Variants in ZBTB21 observed in about 807,000 individuals in gnomAD.
ZBTB21 encodes zinc finger and BTB domain containing 21.
In ZBTB21, 10 loss-of-function variants were observed where a neutral mutation model predicts 39.8. The observed-to-expected ratio is 0.25, with a 90% CI of 0.16 to 0.43. ZBTB21 has a LOEUF of 0.43. Among genes scored for constraint, ZBTB21 ranks in the 20% least tolerant of loss-of-function variants. ZBTB21 has a pLI of 1.00. For missense variants in ZBTB21, 1,221 were observed against 1,296.3 expected, an observed-to-expected ratio of 0.94 and a Z score of 0.89; for synonymous variants, 551 against 498.8, an observed-to-expected ratio of 1.10 and a Z score of -1.40.
In ZBTB21 at chr21:41,992,145, T is replaced by C. The variant is rs2065669338; in HGVS notation, c.1951A>G (p.Ser651Gly). 1.9e-6 allele frequency: 3 copies of C among 1,614,214 alleles called. No homozygotes were observed. The highest frequency in any genetic ancestry group is 2.5e-6 in the Non-Finnish European group (3 of 1,180,034). The change falls in exon 3 of 3, where the codon AGC (serine) becomes GGC (glycine). Residue 651 changes from serine (S) to glycine (G), a missense_variant. Ser to Gly is a moderately conservative substitution (Grantham distance 56). This residue lies in a region of ZBTB21 where 523 missense variants were observed against 542.5 expected (regional missense o/e 0.96). Coordinates refer to ENST00000310826, the MANE Select transcript of ZBTB21 (RefSeq NM_001098402.2). The surrounding 1 kb of genome is among the most constrained non-coding windows in gnomAD (Gnocchi z 4.1). ...RGKPGFQGQS[S>G]SQAQQVIKRN... ...TTGATGACTTGCTGTGCTTGGGAGC[T>C]ACTCTGTCCCTGAAAACCAGGCTTG...
At chr21:42,001,471 G>A (rs2065816968) in intron 2 of ZBTB21, among the ~76,000 whole-genome samples, 1 of 152,216 alleles carries the variant, frequency 6.6e-6, no homozygotes, top group Non-Finnish European at 1.5e-5. Flanking sequence ...AAGAGAACAG[G>A]TCAATTCATC....
chr21:41,993,078 G>T lies in ZBTB21; in HGVS notation c.1018C>A (p.Leu340Ile), dbSNP rs766256414. The T allele has an allele frequency of 6.2e-7, 1 of 1,614,212 alleles. No individual in the cohort carries two copies. The change falls in exon 3 of 3, where the codon CTC becomes ATC. Residue 340 changes from leucine to isoleucine, a missense_variant. Around this residue, in one of 4 missense-constraint regions of ZBTB21, gnomAD observed 500 missense variants for 465.6 expected, o/e 1.07. Coordinates refer to ENST00000310826, the MANE Select transcript of ZBTB21 (RefSeq NM_001098402.2). ...CTATCCATCGACAATGACCGTCTGA[G>T]GAGACTCTTAACAAGTGGGCCACTC... Reference protein sequence around the residue: ...DRSGPLVKSLLRRSLSMDSQV... With the variant: ...DRSGPLVKSLIRRSLSMDSQV...
intron 2 of ZBTB21, among the ~76,000 whole-genome samples, chr21:42,000,846 G>A (rs2065808664): frequency 6.6e-6 from 1 of 152,144 alleles, no homozygotes; most frequent in Non-Finnish European, 1.5e-5. Context: ...CCTCCATTTA[G>A]AGCCATCACA....
rs911577444 is a variant in ZBTB21, at chr21:41,990,817, T to G, written c.*78A>C. 7.6e-7 allele frequency: 1 copy of G among 1,322,326 alleles called. No homozygotes were observed. The highest frequency in any genetic ancestry group is 2.6e-5 in the East Asian group (1 of 38,390). The allele number at this position is 1,322,326 out of a possible 1,614,324, so 81.9% of individuals were successfully genotyped here. A position where few individuals can be genotyped will look rare whatever the true frequency, so the allele number is the denominator to read the frequency against. On this transcript the variant is annotated 3_prime_UTR_variant, in exon 3 of 3. Transcript: ENST00000310826. ...CTTTATTATTCTTGTTTAAAAAATA[T>G]TTTGTTTCTTATGACACATTTCACA...
chr21:41,991,506 G>C lies in ZBTB21; in HGVS notation c.2590C>G (p.Leu864Val). 6.2e-7 allele frequency: 1 copy of C among 1,614,200 alleles called. No individual in the cohort carries two copies. The highest frequency in any genetic ancestry group is 2.2e-5 in the East Asian group (1 of 44,880). Residue 864 changes from leucine to valine, a missense_variant, in exon 3 of 3, where the codon CTT (leucine) becomes GTT (valine). By Grantham distance (32) the Leu-to-Val change is conservative. This residue lies in a region of ZBTB21 where 523 missense variants were observed against 542.5 expected (regional missense o/e 0.96). Coordinates refer to ENST00000310826, the MANE Select transcript of ZBTB21 (RefSeq NM_001098402.2). The surrounding 1 kb of genome is among the most constrained non-coding windows in gnomAD (Gnocchi z 4.9). Reference protein sequence around the residue: ...VNFDSEDSSCLPEDLSLSKQL... With the variant: ...VNFDSEDSSCVPEDLSLSKQL... ...TTGGAAAGACTAAGGTCTTCGGGAA[G>C]ACAAGAGGAATCTTCCGAGTCGAAG...
rs1177546940 is a variant in ZBTB21, at chr21:41,991,681, G to A, written c.2415C>T (p.Pro805=). ...VEVHNQNNMA[P]TENFSLPVLD... ...AAACGGGCAAAGAAAAGTTTTCGGT[G>A]GGTGCCATGTTGTTCTGATTATGGA... is the stretch of plus-strand genomic sequence containing the variant. The change falls in exon 3 of 3, where the codon CCC becomes CCT. Residue 805 remains proline (P), a synonymous_variant. Coordinates refer to ENST00000310826, the MANE Select transcript of ZBTB21 (RefSeq NM_001098402.2). The surrounding 1 kb of genome is among the most constrained non-coding windows in gnomAD (Gnocchi z 4.9). 1.2e-6 allele frequency: 2 copies of A among 1,614,180 alleles called. No homozygotes were observed. Among genetic ancestry groups the A allele is most frequent in the South Asian group, 1.1e-5 (1 of 91,068 alleles).
At chr21:42,004,238 G>C (rs1436688094) in intron 1 of ZBTB21, among the ~76,000 whole-genome samples, 4 of 152,070 alleles carry the variant, frequency 2.6e-5, no homozygotes, top group South Asian at 2.1e-4. Context: ...GACCTCAGGC[G>C]ATCTGCCCAC....
Position 41,991,132 on chromosome 21 carries a change from T to C in ZBTB21, c.2964A>G (p.Pro988=). ...PTNSPSPPPL[P]PPPPLPKIQP... ...GGATCTTGGGCAGTGGTGGTGGCGG[T>C]GGCAGAGGTGGTGGAGAGGGAGAGT... The change falls in exon 3 of 3, where the codon CCA becomes CCG. Residue 988 remains proline (P), a synonymous_variant. Coordinates refer to ENST00000310826, the MANE Select transcript of ZBTB21 (RefSeq NM_001098402.2). The surrounding 1 kb of genome is among the most constrained non-coding windows in gnomAD (Gnocchi z 4.9). The C allele has an allele frequency of 2.5e-6, 4 of 1,613,832 alleles. No homozygotes were observed. Among genetic ancestry groups the C allele is most frequent in the Non-Finnish European group, 2.5e-6 (3 of 1,179,886 alleles).
At chr21:41,994,339 T>C (rs983879144) in intron 2 of ZBTB21, among the ~76,000 whole-genome samples, 2 of 152,130 alleles carry the variant, frequency 1.3e-5, no homozygotes, top group Middle Eastern at 6.3e-3. Flanking sequence ...GGAACTATAA[T>C]ATAGGCATTT....
At position 41,993,248 on chromosome 21, in the gene ZBTB21, C is replaced by T. The variant is rs374842935; in HGVS notation, c.848G>A (p.Cys283Tyr). ...KRPRPPVLSV[C>Y]SSSETPYLLK... The stretch of plus-strand genomic sequence containing the variant: ...TAGATAGGGAGTCTCTGATGAGCTA[C>T]AAACAGACAAAACAGGTGGCCGTGG... Residue 283 changes from cysteine to tyrosine, a missense_variant, in exon 3 of 3, where the codon TGT (cysteine) becomes TAT (tyrosine). Physicochemically the swap from Cys to Tyr is radical, Grantham distance 194 (BLOSUM62 -2). Transcript: ENST00000310826. 6 of 1,611,604 alleles carry T rather than the reference C, an allele frequency of 3.7e-6. No individual in the cohort carries two copies. The African/African-American group carries it at 8.0e-5, about 22-fold the overall frequency.
At chr21:41,994,619 AG>A (rs2065721601) in intron 2 of ZBTB21, among the ~76,000 whole-genome samples, 1 of 152,210 alleles carries the variant, frequency 6.6e-6, no homozygotes, top group African/African-American at 2.4e-5. Flanking sequence ...ATTTTGAGAC[AG>A]GGTATCTCTC....
At position 41,991,195 on chromosome 21, in the gene ZBTB21, C is replaced by T. The variant is rs372363785; in HGVS notation, c.2901G>A (p.Ser967=). The T allele has an allele frequency of 6.1e-5, 98 of 1,613,928 alleles. No homozygotes were observed. In the Middle Eastern group the frequency reaches 6.6e-4, roughly 11 times the overall value. The change falls in exon 3 of 3, where the codon TCG becomes TCA. Residue 967 remains serine, a synonymous_variant. Coordinates refer to ENST00000310826, the MANE Select transcript of ZBTB21 (RefSeq NM_001098402.2). The surrounding 1 kb of genome is among the most constrained non-coding windows in gnomAD (Gnocchi z 4.9). ...GGCACACCTCAGATTCCTTATGTGC[C>T]GATTCCTCTGAAGCCTGAGACATGT... ...QSHMSQASEE[S]AHKESEVCPV... is the part of the protein sequence containing the mutation.
chr21:42,002,214 G>GC (rs1555911980), intron 2 of ZBTB21: 1 of 151,946 alleles, frequency 6.6e-6, no homozygotes, highest in Non-Finnish European at 1.5e-5. Flanking sequence ...TAAGGCCCTT[G>GC]TTTTTTTTAC....
intron 2 of ZBTB21, among the ~76,000 whole-genome samples, chr21:41,998,470 T>C (rs467618): frequency 0.63 from 96,204 of 152,092 alleles, 31,908 homozygotes; most frequent in African/African-American, 0.78. Context: ...GGATTACAGG[T>C]GTGAGCCACC....
chr21:41,997,595 AAAC>A (rs2065765590), intron 2 of ZBTB21, among the ~76,000 whole-genome samples: 2 of 138,102 alleles, frequency 1.4e-5, no homozygotes, highest in African/African-American at 2.7e-5. Context: ...AAAAACAAAA[AAAC>A]AAAAAAACAA....
At position 41,993,790 on chromosome 21, in the gene ZBTB21, C is replaced by G; in HGVS notation, c.306G>C (p.Val102=). Residue 102 remains valine (V), a synonymous_variant, in exon 3 of 3, where the codon GTG becomes GTC. Coordinates refer to ENST00000310826, the MANE Select transcript of ZBTB21 (RefSeq NM_001098402.2). ...TCCCAAGACTATAGCCAAGTTCTTG[C>G]ACAGCAGCAAGGCTGCTCTTCTCAA... ...LFVEKSSLAA[V]QELGYSLGIS... 1 of 1,614,216 alleles carries G rather than the reference C, an allele frequency of 6.2e-7. No homozygotes were observed. The highest frequency in any genetic ancestry group is 8.5e-7 in the Non-Finnish European group (1 of 1,180,036).
chr21:41,998,286 G>C (rs1250008142), intron 2 of ZBTB21, among the ~76,000 whole-genome samples: 1 of 151,510 alleles, frequency 6.6e-6, no homozygotes, highest in East Asian at 1.9e-4. Flanking sequence ...CTGCCTCCTG[G>C]GTTCAAACGA....
rs2065587433 is a variant in ZBTB21 at position 41,987,035 on chromosome 21, A to T, written c.*3860T>A. On this transcript the variant is annotated 3_prime_UTR_variant, in exon 3 of 3. Transcript: ENST00000310826. The stretch of plus-strand genomic sequence containing the variant: ...TTACTCTGCTAAGGCATATGACAAA[A>T]TACACAGAATTATAAAACCATTCGT... 2 of 152,788 alleles carry T rather than the reference A, an allele frequency of 1.3e-5. No homozygotes were observed. Among genetic ancestry groups the T allele is most frequent in the South Asian group, 4.1e-4 (2 of 4,828 alleles). 9.5% of individuals were successfully genotyped at this position (152,788 alleles called of 1,614,324 possible).
chr21:42,010,005 T>G (rs2065941250), intron 1 of ZBTB21, among the ~76,000 whole-genome samples: 1 of 152,104 alleles, frequency 6.6e-6, no homozygotes, highest in African/African-American at 2.4e-5. Context: ...CGAGGCCAAG[T>G]GCTGGCAGGG....
Sources: allele counts gnomAD v4.1 joint callset (sites outside exome capture counted in the v4.1 genomes callset), GRCh38; gene constraint gnomAD v4.1.1; regional missense constraint gnomAD v4.1.1; non-coding constraint Gnocchi (gnomAD v3.1); transcripts MANE v1.5; gene names NCBI Gene and HGNC (gene_info 2026-07-23, HGNC 2026-07-21).